TPM4: variants seen among roughly 807,000 people sequenced by gnomAD.
The protein encoded by TPM4 is tropomyosin alpha-4 chain.
Under a neutral mutation model 35.8 loss-of-function variants are expected in TPM4, and 17 were observed. The observed-to-expected ratio is 0.47, with a 90% CI of 0.32 to 0.71. The LOEUF is 0.71. Ranked by LOEUF, TPM4 falls within the 30% of genes least tolerant of loss-of-function variation. The pLI is 0.03. For synonymous variants in TPM4, 120 were observed against 122.9 expected (o/e 0.98, Z 0.15); for missense variants, 240 against 320.9 (o/e 0.75, Z 1.93).
chr19:16,092,617 C>A (rs1413850933), intron 5 of TPM4, among the ~76,000 whole-genome samples: 1 of 151,992 alleles, frequency 6.6e-6, no homozygotes, highest in Admixed American at 6.6e-5. Context: ...CTCACTACAG[C>A]CTCCACCTCC....
intron 1 of TPM4, chr19:16,081,064 C>G: frequency 2.5e-6 from 1 of 398,588 alleles, no homozygotes; most frequent in East Asian, 3.6e-5. Context: ...TCCCCCGCCT[C>G]GTCCCACCTT....
chr19:16,079,327 A>T (rs182368883), intron 1 of TPM4, among the ~76,000 whole-genome samples: 2 of 152,312 alleles, frequency 1.3e-5, no homozygotes, highest in Admixed American at 1.3e-4. Flanking sequence ...GGGTTATGAA[A>T]ATGTCCTGGA....
chr19:16,088,061 T>A lies in TPM4; in HGVS notation c.419T>A (p.Leu140Gln). ...ARKLVILEGELERAEERAEVS... is the reference protein window; with the variant it reads ...ARKLVILEGEQERAEERAEVS... ...AAGCTGGTCATCCTGGAGGGTGAGC[T>A]GGAGAGGGCAGAGGAGCGTGCGGAG... Residue 140 changes from leucine (L) to glutamine (Q), a missense_variant, in exon 4 of 8, where the codon CTG becomes CAG. Transcript: ENST00000643579. 6.2e-7 allele frequency: 1 copy of A among 1,612,634 alleles called. No individual in the cohort carries two copies. The highest frequency in any genetic ancestry group is 1.1e-5 in the South Asian group (1 of 90,622).
At chr19:16,076,272 G>A, upstream of TPM4, 2 of 1,525,986 alleles carry the variant, frequency 1.3e-6, no homozygotes, top group South Asian at 1.2e-5. Context: ...AGAGGAGGAG[G>A]AGAAGGCGGC....
At chr19:16,074,007 T>TA (rs111848784), upstream of TPM4, among the ~76,000 whole-genome samples, 68 of 107,062 alleles carry the variant, frequency 6.4e-4, no homozygotes, top group African/African-American at 1.6e-3. Context: ...AAGATCAGGT[T>TA]AAAAAAAAAA....
In TPM4 at chr19:16,102,381, C is replaced by G. The variant is rs2090771835; in HGVS notation, c.*1035C>G. ...AAGTTGTTCTCTGAAGAGCAAATGTCTCATTCCAGTAATGACCCACTCAGC... is the reference window on the plus strand; with the variant it reads ...AAGTTGTTCTCTGAAGAGCAAATGTGTCATTCCAGTAATGACCCACTCAGC... On this transcript the variant is annotated 3_prime_UTR_variant, in exon 8 of 8. Transcript: ENST00000643579. 4.6e-6 allele frequency: 1 copy of G among 215,478 alleles called. No individual in the cohort carries two copies. The highest frequency in any genetic ancestry group is 2.3e-5 in the African/African-American group (1 of 44,354). The allele number at this position is 215,478 out of a possible 1,614,324, so 13.3% of individuals were successfully genotyped here.
chr19:16,083,535 T>A (rs116638188), intron 2 of TPM4, among the ~76,000 whole-genome samples: 1,981 of 152,248 alleles, frequency 0.013, 38 homozygotes, highest in African/African-American at 0.045. Flanking sequence ...GGTAGCCAGA[T>A]CATTCTCTGG....
upstream of TPM4, chr19:16,076,426 G>C (rs1017342177): frequency 7.4e-7 from 1 of 1,350,454 alleles, no homozygotes; most frequent in East Asian, 3.1e-5. Flanking sequence ...ACGGCAGCCG[G>C]CCCGGGGGGC....
intron 3 of TPM4, 62 bp from the exon 4 acceptor site, chr19:16,087,965 G>A: frequency 6.4e-7 from 1 of 1,557,884 alleles, no homozygotes. Flanking sequence ...GCTGTCTGCA[G>A]TGGATGGGAG....
At chr19:16,086,601 TAGGG>T in intron 3 of TPM4, 61 bp downstream of exon 3, 1 of 1,424,954 alleles carries the variant, frequency 7.0e-7, no homozygotes, top group Non-Finnish European at 9.7e-7. Flanking sequence ...TCTGCTGAGA[TAGGG>T]AGGACACCGG....
In TPM4 at chr19:16,076,592, G is replaced by A; in HGVS notation, c.27G>A (p.Ala9=). Residue 9 remains alanine, a synonymous_variant, in exon 1 of 8, where the codon GCG becomes GCA. Transcript: ENST00000643579. ...TGGCCGGCCTCAACTCCCTGGAGGCGGTGAAACGCAAGATCCAGGCCCTGC... is the reference window on the plus strand; with the variant it reads ...TGGCCGGCCTCAACTCCCTGGAGGCAGTGAAACGCAAGATCCAGGCCCTGC... MAGLNSLE[A]VKRKIQALQQ... 4 of 1,470,694 alleles carry A rather than the reference G, an allele frequency of 2.7e-6. No individual in the cohort carries two copies. The highest frequency in any genetic ancestry group is 3.6e-6 in the Non-Finnish European group (4 of 1,118,084). 91.1% of individuals were successfully genotyped at this position (1,470,694 alleles called of 1,614,324 possible). A position where few individuals can be genotyped will look rare whatever the true frequency, so the allele number is the denominator to read the frequency against.
At chr19:16,083,203 C>T (rs1014727960) in intron 2 of TPM4, among the ~76,000 whole-genome samples, 13 of 152,062 alleles carry the variant, frequency 8.5e-5, no homozygotes, top group African/African-American at 2.9e-4. Flanking sequence ...CAGCACTTTG[C>T]GATGACGAGG....
At chr19:16,071,989 T>G (rs1433419310), upstream of TPM4, among the ~76,000 whole-genome samples, 1 of 152,148 alleles carries the variant, frequency 6.6e-6, no homozygotes, top group East Asian at 1.9e-4. Flanking sequence ...GCCCGGCTAA[T>G]TTTTGTATTT....
chr19:16,072,936 GC>G (rs2090368509), upstream of TPM4, among the ~76,000 whole-genome samples: 1 of 152,014 alleles, frequency 6.6e-6, no homozygotes, highest in African/African-American at 2.4e-5. Context: ...ATTGTAACAC[GC>G]CCAACACATT....
intron 2 of TPM4, among the ~76,000 whole-genome samples, chr19:16,086,085 A>AC (rs2090548054): frequency 1.3e-5 from 2 of 148,994 alleles, no homozygotes; most frequent in Admixed American, 6.7e-5. Context: ...AAAAAAAAAA[A>AC]CCAAGATGAA....
intron 2 of TPM4, 39 bp from the exon 3 acceptor site, chr19:16,086,384 G>T: frequency 6.4e-7 from 1 of 1,553,112 alleles, no homozygotes; most frequent in Admixed American, 1.7e-5. Flanking sequence ...GTGGAGGGGT[G>T]TGAGTGAACG....
At chr19:16,084,005 CA>C (rs2090518520) in intron 2 of TPM4, among the ~76,000 whole-genome samples, 1 of 152,132 alleles carries the variant, frequency 6.6e-6, no homozygotes, top group South Asian at 2.1e-4. Flanking sequence ...CAGCTCACTA[CA>C]AGCTTCACCT....
At position 16,089,103 on chromosome 19, in the gene TPM4, G is replaced by A; in HGVS notation, c.514G>A (p.Glu172Lys). 6.2e-7 allele frequency: 1 copy of A among 1,613,850 alleles called. No individual in the cohort carries two copies. ...TGTTACTAACAATCTGAAATCTCTG[G>A]AGGCTGCATCTGAAAAGGTAGGTGG... ...KNVTNNLKSL[E>K]AASEKYSEKE... Residue 172 changes from glutamate to lysine, a missense_variant, in exon 5 of 8, where the codon GAG (glutamate) becomes AAG (lysine). Transcript: ENST00000643579.
At position 16,102,010 on chromosome 19, in the gene TPM4, T is replaced by G. The variant is rs915998806; in HGVS notation, c.*664T>G. 2 of 214,078 alleles carry G rather than the reference T, an allele frequency of 9.3e-6. No individual in the cohort carries two copies. The highest frequency in any genetic ancestry group is 3.7e-4 in the South Asian group (2 of 5,352). The allele number at this position is 214,078 out of a possible 1,614,324, so 13.3% of individuals were successfully genotyped here. On this transcript the variant is annotated 3_prime_UTR_variant, in exon 8 of 8. Transcript: ENST00000643579. The stretch of plus-strand genomic sequence containing the variant: ...CATATAGTAATTAATAGATGGTAAT[T>G]AATTGATCCTTGATGTGATGTTCTT...
Sources: gnomAD v4.1 joint callset for allele counts (sites outside exome capture counted in the v4.1 genomes callset) on GRCh38, gnomAD v4.1.1 for gene constraint, MANE v1.5 for transcripts, NCBI Gene and HGNC (gene_info 2026-07-23, HGNC 2026-07-21) for gene names.